The following ATF2 variants were observed in gnomAD, a reference collection of about 807,000 sequenced individuals.
ATF2 encodes cyclic AMP-dependent transcription factor ATF-2.
A neutral mutation model predicts 60.6 loss-of-function variants in ATF2; 24 were observed. The observed-to-expected ratio is 0.40, with a 90% confidence interval of 0.29 to 0.56. The LOEUF (loss-of-function observed/expected upper bound fraction) is 0.56. Ranked by LOEUF, ATF2 falls within the 20% of genes least tolerant of loss-of-function variation. The pLI is 0.54. For missense variants in ATF2, 433 were observed against 607.7 expected (o/e 0.71, Z 3.02); for synonymous variants, 206 against 215.4 (o/e 0.96, Z 0.38).
intron 1 of ATF2, among the ~76,000 whole-genome samples, chr2:175,158,421 G>A (rs113406804): frequency 5.9e-5 from 9 of 151,820 alleles, no homozygotes; most frequent in African/African-American, 2.2e-4. Flanking sequence ...CCGGTCTCAC[G>A]ATGTTGCCCA....
chr2:175,139,910 A>T (rs1698388048), intron 2 of ATF2, among the ~76,000 whole-genome samples: 1 of 152,144 alleles, frequency 6.6e-6, no homozygotes, highest in Admixed American at 6.5e-5. Context: ...GCTGAAATAT[A>T]CTCACTCATG....
At chr2:175,133,957 A>G (rs912822258) in intron 3 of ATF2, among the ~76,000 whole-genome samples, 17 of 152,196 alleles carry the variant, frequency 1.1e-4, no homozygotes, top group African/African-American at 3.1e-4. Context: ...ACAGGTAACT[A>G]CATCCAGAGA....
At position 175,097,446 on chromosome 2, in the gene ATF2, G is replaced by C; in HGVS notation, c.976C>G (p.Pro326Ala). ...QQPATSTTET[P>A]ASPAHTTPQT... ...AATAATAAAAACAACACACATACCG[G>C]AGTTTCTGTAGTGGATGTGGCTGGC... is the stretch of plus-strand genomic sequence containing the variant. Residue 326 changes from proline to alanine, a missense_variant and splice_region_variant, in exon 11 of 14, where the codon CCG becomes GCG. By Grantham distance (27) the Pro-to-Ala change is conservative. Transcript: ENST00000264110. 1 of 1,613,806 alleles carries C rather than the reference G, an allele frequency of 6.2e-7. No homozygotes were observed. The highest frequency in any genetic ancestry group is 8.5e-7 in the Non-Finnish European group (1 of 1,179,874).
chr2:175,077,000 A>G (rs1386143810), intron 13 of ATF2, among the ~76,000 whole-genome samples: 2 of 122,310 alleles, frequency 1.6e-5, no homozygotes, highest in African/African-American at 3.2e-5. Flanking sequence ...TCCTATGTCC[A>G]TGTGTTCTTA....
chr2:175,103,239 G>A (rs1239333491), intron 10 of ATF2, among the ~76,000 whole-genome samples: 2 of 152,192 alleles, frequency 1.3e-5, no homozygotes, highest in Non-Finnish European at 2.9e-5. Flanking sequence ...AAGCTCATCA[G>A]AGTAATAACC....
At chr2:175,122,127 A>G (rs1313005590) in intron 4 of ATF2, among the ~76,000 whole-genome samples, 1 of 152,000 alleles carries the variant, frequency 6.6e-6, no homozygotes, top group Non-Finnish European at 1.5e-5. Context: ...AAAAATTTAA[A>G]GTAGCCAAAA....
Position 175,097,644 on chromosome 2 carries a change from A to C in ATF2, c.829-51T>G, listed in dbSNP as rs761803388. On this transcript the variant is annotated intron_variant, in intron 10 of 13. Transcript: ENST00000264110. ...TTTTTTTAAGTCCTTAAAGATCATC[A>C]TGAATATCAACAAGACAAACAATAG... 3.1e-6 allele frequency: 5 copies of C among 1,591,162 alleles called. No homozygotes were observed. The East Asian group carries it at 1.1e-4, about 36-fold the overall frequency.
chr2:175,143,013 C>T (rs935670489), intron 2 of ATF2, among the ~76,000 whole-genome samples: 1 of 152,084 alleles, frequency 6.6e-6, no homozygotes, highest in Non-Finnish European at 1.5e-5. Flanking sequence ...CCATGCCTGA[C>T]TAAAAGCTGA....
chr2:175,148,717 C>A (rs533341633), intron 2 of ATF2, among the ~76,000 whole-genome samples: 1 of 152,272 alleles, frequency 6.6e-6, no homozygotes, highest in South Asian at 2.1e-4. Context: ...CATGATAAAA[C>A]CTTATTCTCT....
At chr2:175,103,137 C>G (rs1428066346) in intron 10 of ATF2, among the ~76,000 whole-genome samples, 1 of 152,114 alleles carries the variant, frequency 6.6e-6, no homozygotes, top group Non-Finnish European at 1.5e-5. Flanking sequence ...GTAGTAGGAA[C>G]AAAGTACTCC....
intron 10 of ATF2, among the ~76,000 whole-genome samples, chr2:175,107,700 C>A (rs770566709): frequency 6.6e-6 from 1 of 152,190 alleles, no homozygotes; most frequent in Non-Finnish European, 1.5e-5. Flanking sequence ...CGAGTGCCTG[C>A]GATTGCAGGC....
chr2:175,156,862 G>A (rs1699722294), intron 1 of ATF2, among the ~76,000 whole-genome samples: 1 of 152,308 alleles, frequency 6.6e-6, no homozygotes, highest in African/African-American at 2.4e-5. Flanking sequence ...TGTTAAGTAG[G>A]TGGTAATGTA....
intron 1 of ATF2, among the ~76,000 whole-genome samples, chr2:175,156,377 C>CAAAAAAAAAA (rs57399474): frequency 1.8e-5 from 1 of 55,980 alleles, no homozygotes; most frequent in Non-Finnish European, 3.7e-5. Flanking sequence ...TCTCAAAAAA[C>CAAAAAAAAAA]AAAAAAAAAA....
intron 3 of ATF2, among the ~76,000 whole-genome samples, chr2:175,132,282 T>C (rs1170533631): frequency 6.6e-6 from 1 of 152,220 alleles, no homozygotes; most frequent in East Asian, 1.9e-4. Flanking sequence ...GTCTTAAAAA[T>C]ACACGTAAAT....
At chr2:175,156,936 T>A (rs1699727532) in intron 1 of ATF2, among the ~76,000 whole-genome samples, 1 of 152,192 alleles carries the variant, frequency 6.6e-6, no homozygotes, top group African/African-American at 2.4e-5. Context: ...GATGGACTTG[T>A]GCCCCACGAC....
chr2:175,092,367 T>C (rs1694610109), intron 12 of ATF2: 1 of 165,414 alleles, frequency 6.0e-6, no homozygotes, highest in Non-Finnish European at 1.3e-5. Context: ...TAAGATTATA[T>C]AGGAGAATAT....
intron 12 of ATF2, among the ~76,000 whole-genome samples, chr2:175,083,530 C>T (rs573202886): frequency 2.2e-4 from 33 of 152,246 alleles, no homozygotes; most frequent in African/African-American, 7.5e-4. Flanking sequence ...AGACCTAAAA[C>T]CATAAAAACC....
At chr2:175,150,439 T>C (rs1011069145) in intron 2 of ATF2, among the ~76,000 whole-genome samples, 1 of 152,062 alleles carries the variant, frequency 6.6e-6, no homozygotes, top group African/African-American at 2.4e-5. Context: ...AAACTGTAAA[T>C]GGCTTGAGAT....
At chr2:175,106,758 C>G (rs1324659941) in intron 10 of ATF2, among the ~76,000 whole-genome samples, 5 of 152,158 alleles carry the variant, frequency 3.3e-5, no homozygotes, top group Admixed American at 6.5e-5. Context: ...ACTGCGTGAA[C>G]CCTGGAGGCA....
Sources: allele counts gnomAD v4.1 joint callset (sites outside exome capture counted in the v4.1 genomes callset), GRCh38; gene constraint gnomAD v4.1.1; transcripts MANE v1.5; gene names NCBI Gene and HGNC (gene_info 2026-07-23, HGNC 2026-07-21).